The following SLC9C1 variants were observed in gnomAD, a reference collection of about 807,000 sequenced individuals.
SLC9C1 encodes solute carrier family 9 member C1, also known as sodium/hydrogen exchanger 10.
A neutral mutation model predicts 140.9 loss-of-function variants in SLC9C1; 97 were observed. The ratio of observed to expected loss-of-function variants is 0.69; its 90% CI spans 0.58 to 0.82. The LOEUF is 0.82. SLC9C1 is among the 40% of genes least tolerant of loss of function. The pLI, the probability that SLC9C1 is intolerant of heterozygous loss-of-function variation, is 0.00. For missense variants in SLC9C1, 1,340 were observed against 1,389.3 expected (o/e 0.96, Z 0.56); for synonymous variants, 440 against 442.6 (o/e 0.99, Z 0.07).
intron 26 of SLC9C1, among the ~76,000 whole-genome samples, chr3:112,163,530 C>T (rs1387029690): frequency 2.6e-5 from 4 of 151,940 alleles, no homozygotes; most frequent in African/African-American, 7.3e-5. Flanking sequence ...TCGTTATGTA[C>T]CCAGTAGTCA....
At chr3:112,151,821 G>T (rs1023333439) in intron 28 of SLC9C1, 36 bp downstream of exon 28, 1 of 1,545,556 alleles carries the variant, frequency 6.5e-7, no homozygotes, top group Admixed American at 1.7e-5. Context: ...GGACAGATGT[G>T]CTCCTGATCC....
At chr3:112,207,370 T>C (rs911392657) in intron 16 of SLC9C1, among the ~76,000 whole-genome samples, 4 of 152,228 alleles carry the variant, frequency 2.6e-5, no homozygotes, top group Admixed American at 2.0e-4. Context: ...GCTACCTATA[T>C]GATCTACGGC....
Position 112,217,375 on chromosome 3 carries a change from TA to T in SLC9C1, c.1790+66del, listed in dbSNP as rs1291698349. ...TAACAAAAAATTCAAGATACCATTTTAAAAGAAAAAACAGGGAATTTCAAGT... is the reference window on the plus strand; with the variant it reads ...TAACAAAAAATTCAAGATACCATTTTAAAGAAAAAACAGGGAATTTCAAGT... On this transcript the variant is annotated intron_variant, in intron 15 of 28. Coordinates refer to ENST00000305815, the MANE Select transcript of SLC9C1 (RefSeq NM_183061.3). The T allele has an allele frequency of 4.7e-6, 7 of 1,496,620 alleles. No individual in the cohort carries two copies. In the Admixed American group the frequency reaches 1.7e-4, roughly 36 times the overall value. 92.7% of individuals were successfully genotyped at this position (1,496,620 alleles called of 1,614,324 possible).
At chr3:112,203,289 C>T (rs1325390274) in intron 17 of SLC9C1, among the ~76,000 whole-genome samples, 1 of 151,952 alleles carries the variant, frequency 6.6e-6, no homozygotes, top group Non-Finnish European at 1.5e-5. Flanking sequence ...TTAGTTTCTT[C>T]ATCTGAACTA....
At chr3:112,201,848 A>G (rs1413920667) in intron 18 of SLC9C1, among the ~76,000 whole-genome samples, 2 of 151,938 alleles carry the variant, frequency 1.3e-5, no homozygotes, top group African/African-American at 4.8e-5. Flanking sequence ...AAACAAGGAT[A>G]GAGAGAGATG....
intron 26 of SLC9C1, among the ~76,000 whole-genome samples, chr3:112,159,069 T>C (rs1291884296): frequency 6.6e-6 from 1 of 151,850 alleles, no homozygotes; most frequent in Non-Finnish European, 1.5e-5. Flanking sequence ...TGCTTTCAAG[T>C]TCCCTGAGGT....
In SLC9C1 at chr3:112,163,526, T is replaced by G. The variant is rs537031883; in HGVS notation, c.3364+3695A>C. On this transcript the variant is annotated intron_variant, in intron 26 of 28. Coordinates refer to ENST00000305815, the MANE Select transcript of SLC9C1 (RefSeq NM_183061.3). ...CTTTATTTCTGCCTTCATTTCGTTA[T>G]GTACCCAGTAGTCATTCAGGAGCAG... Among the ~76,000 whole-genome samples the G allele has an allele frequency of 7.4e-4, 113 of 152,262 alleles. 1 individual carries two copies. The South Asian group carries it at 0.01, about 14-fold the overall frequency.
intron 19 of SLC9C1, among the ~76,000 whole-genome samples, chr3:112,199,904 C>T (rs958987082): frequency 1.1e-4 from 17 of 152,064 alleles, no homozygotes; most frequent in African/African-American, 3.9e-4. Context: ...ATCGTCCACT[C>T]AACCTGCCAG....
At chr3:112,180,367 CA>C (rs2077416449) in intron 22 of SLC9C1, among the ~76,000 whole-genome samples, 196 bp downstream of exon 22, 2 of 151,886 alleles carry the variant, frequency 1.3e-5, no homozygotes, top group African/African-American at 4.8e-5. Flanking sequence ...ACTAAAAATA[CA>C]AAAAATTACC....
chr3:112,200,382 A>C (rs1269422035), intron 19 of SLC9C1, among the ~76,000 whole-genome samples: 3 of 152,030 alleles, frequency 2.0e-5, no homozygotes, highest in Non-Finnish European at 2.9e-5. Flanking sequence ...TTCTTGTGTC[A>C]CTCAGGAAGG....
At chr3:112,168,739 A>G in intron 25 of SLC9C1, 138 bp downstream of exon 25, 1 of 765,104 alleles carries the variant, frequency 1.3e-6, no homozygotes, top group South Asian at 2.2e-5. Context: ...GGTATGAGTG[A>G]GTGTTTATGG....
chr3:112,158,862 A>G (rs898324841), intron 26 of SLC9C1, among the ~76,000 whole-genome samples: 1 of 151,776 alleles, frequency 6.6e-6, no homozygotes, highest in South Asian at 2.1e-4. Context: ...ATCGGTTGCA[A>G]TCTTTACTTT....
intron 10 of SLC9C1, among the ~76,000 whole-genome samples, chr3:112,258,057 G>T (rs577749512): frequency 1.3e-5 from 2 of 152,254 alleles, no homozygotes; most frequent in South Asian, 4.1e-4. Flanking sequence ...ATGCTGGCGA[G>T]GTTGCAGAGA....
intron 23 of SLC9C1, among the ~76,000 whole-genome samples, chr3:112,169,955 G>C: frequency 6.6e-6 from 1 of 151,748 alleles, no homozygotes; most frequent in East Asian, 1.9e-4. Flanking sequence ...AATAATACTG[G>C]ACCCTTTATC....
chr3:112,235,355 G>C (rs377383534), intron 12 of SLC9C1, among the ~76,000 whole-genome samples: 31,858 of 147,498 alleles, frequency 0.22, 3,759 homozygotes, highest in Middle Eastern at 0.27. Context: ...AGTTGCTTAT[G>C]AGCTTAAGGA....
intron 28 of SLC9C1, among the ~76,000 whole-genome samples, chr3:112,145,794 C>T (rs9827947): frequency 0.011 from 1,693 of 151,968 alleles, 31 homozygotes; most frequent in African/African-American, 0.038. Context: ...GTGGGAGAGA[C>T]CCGAAGGCAG....
At chr3:112,293,296 A>C (rs13092220) in intron 1 of SLC9C1, among the ~76,000 whole-genome samples, 101,712 of 147,510 alleles carry the variant, frequency 0.69, 34,656 homozygotes, top group East Asian at 1. Flanking sequence ...ATATATATAT[A>C]TCTCTCATGT....
At chr3:112,152,697 C>T (rs556813413) in intron 27 of SLC9C1, among the ~76,000 whole-genome samples, 20 of 152,264 alleles carry the variant, frequency 1.3e-4, no homozygotes, top group African/African-American at 4.3e-4. Flanking sequence ...GAGGTCTCTG[C>T]GGCTTTCCAC....
chr3:112,206,447 G>A (rs1197078601), intron 16 of SLC9C1, among the ~76,000 whole-genome samples: 1 of 151,992 alleles, frequency 6.6e-6, no homozygotes, highest in Non-Finnish European at 1.5e-5. Context: ...ATTCCTCAAG[G>A]ATCTAGAACT....
Sources: allele counts gnomAD v4.1 joint callset (sites outside exome capture counted in the v4.1 genomes callset), GRCh38; gene constraint gnomAD v4.1.1; transcripts MANE v1.5; gene names NCBI Gene and HGNC (gene_info 2026-07-23, HGNC 2026-07-21).